Variants in HNRNPC observed in about 807,000 individuals in gnomAD.
HNRNPC encodes the protein heterogeneous nuclear ribonucleoproteins C1/C2.
Under a neutral mutation model 33.2 loss-of-function variants are expected in HNRNPC, and 3 were observed. The observed-to-expected ratio is 0.09, with a 90% CI of 0.04 to 0.23. HNRNPC has a LOEUF of 0.23. HNRNPC is among the 10% of genes least tolerant of loss of function. The probability of loss-of-function intolerance (pLI) is 1.00; values close to 1 mark genes in which losing one functional copy is unlikely to be tolerated. For missense variants in HNRNPC, 143 were observed against 366.7 expected, an observed-to-expected ratio of 0.39 and a Z score of 4.98; for synonymous variants, 121 against 126.7, an observed-to-expected ratio of 0.96 and a Z score of 0.30.
intron 2 of HNRNPC, among the ~76,000 whole-genome samples, chr14:21,251,607 G>A (rs1350569162): frequency 1.3e-5 from 2 of 152,112 alleles, no homozygotes; most frequent in East Asian, 1.9e-4. Flanking sequence ...GCTTGAACCC[G>A]GGAAGTGGAG....
rs1388288438 is a variant in HNRNPC, at chr14:21,233,936, T to C, written c.241+17A>G. ...ACTCAGGCCTGAATTACATCATCAATGAAAAAATTCACTTACCTAAAACCT... is the reference window on the plus strand; with the variant it reads ...ACTCAGGCCTGAATTACATCATCAACGAAAAAATTCACTTACCTAAAACCT... On this transcript the variant is annotated intron_variant, in intron 3 of 8. Coordinates refer to ENST00000553300, the MANE Select transcript of HNRNPC (RefSeq NM_004500.4). 6.2e-7 allele frequency: 1 copy of C among 1,608,836 alleles called. No homozygotes were observed. The highest frequency in any genetic ancestry group is 1.3e-5 in the African/African-American group (1 of 74,538).
intron 2 of HNRNPC, among the ~76,000 whole-genome samples, chr14:21,246,013 G>C (rs556300429): frequency 1.3e-4 from 20 of 151,804 alleles, no homozygotes; most frequent in Admixed American, 2.6e-4. Context: ...GCCTGACTAC[G>C]GGGTTTGACC....
chr14:21,242,766 A>G (rs1895511642), intron 2 of HNRNPC, among the ~76,000 whole-genome samples: 1 of 152,228 alleles, frequency 6.6e-6, no homozygotes, highest in South Asian at 2.1e-4. Context: ...TTAAACACGC[A>G]TTATCACCTA....
chr14:21,233,389 G>T (rs537697609), intron 3 of HNRNPC, among the ~76,000 whole-genome samples: 1 of 152,036 alleles, frequency 6.6e-6, no homozygotes, highest in African/African-American at 2.4e-5. Flanking sequence ...TAAAAACAAA[G>T]GTATGATAAT....
intron 5 of HNRNPC, among the ~76,000 whole-genome samples, chr14:21,221,857 CA>C (rs1892857116): frequency 6.6e-6 from 1 of 151,862 alleles, no homozygotes; most frequent in African/African-American, 2.4e-5. Flanking sequence ...ACCATCCTGG[CA>C]AACATGGTGA....
chr14:21,214,070 A>G (rs746878417), intron 5 of HNRNPC, among the ~76,000 whole-genome samples: 3 of 152,238 alleles, frequency 2.0e-5, no homozygotes, highest in Non-Finnish European at 4.4e-5. Flanking sequence ...TACATTCCAC[A>G]TTGTCATTTC....
chr14:21,261,360 AAAG>A (rs1418794515), intron 2 of HNRNPC, among the ~76,000 whole-genome samples: 3 of 152,340 alleles, frequency 2.0e-5, no homozygotes, highest in Admixed American at 6.5e-5. Flanking sequence ...TGACAGCAGC[AAAG>A]AAGAAAAAAT....
chr14:21,257,847 T>C (rs1877493858), intron 2 of HNRNPC, among the ~76,000 whole-genome samples: 1 of 152,136 alleles, frequency 6.6e-6, no homozygotes, highest in African/African-American at 2.4e-5. Context: ...AGGCATAAAC[T>C]GCTGCAACTG....
At chr14:21,250,747 C>T (rs905416422) in intron 2 of HNRNPC, among the ~76,000 whole-genome samples, 1 of 152,136 alleles carries the variant, frequency 6.6e-6, no homozygotes, top group African/African-American at 2.4e-5. Context: ...CCACAAACAT[C>T]AAAAACCACT....
At chr14:21,249,593 C>CAAAAAAAAAAAAAAAAAAAAAAAAAA (rs756880620) in intron 2 of HNRNPC, among the ~76,000 whole-genome samples, 1 of 83,446 alleles carries the variant, frequency 1.2e-5, no homozygotes, top group Non-Finnish European at 2.3e-5. Flanking sequence ...GTCTCAAAAA[C>CAAAAAAAAAAAAAAAAAAAAAAAAAA]AAAAAAAAAA....
chr14:21,246,120 G>T (rs185401611), intron 2 of HNRNPC, among the ~76,000 whole-genome samples: 168 of 152,088 alleles, frequency 1.1e-3, no homozygotes, highest in African/African-American at 3.8e-3. Flanking sequence ...CACCACACCT[G>T]GCCTGCTCCA....
intron 5 of HNRNPC, among the ~76,000 whole-genome samples, chr14:21,219,729 AT>A (rs79242792): frequency 0.15 from 23,247 of 152,112 alleles, 2,256 homozygotes; most frequent in South Asian, 0.23. Flanking sequence ...ATCATCCAGT[AT>A]TGCGGTTTTA....
At chr14:21,259,966 G>A (rs867808212) in intron 2 of HNRNPC, among the ~76,000 whole-genome samples, 12 of 150,220 alleles carry the variant, frequency 8.0e-5, no homozygotes, top group East Asian at 1.9e-4. Context: ...TTGGGAGGCC[G>A]AGGCGGGCGG....
At chr14:21,224,949 A>G (rs1893246885) in intron 5 of HNRNPC, among the ~76,000 whole-genome samples, 1 of 152,182 alleles carries the variant, frequency 6.6e-6, no homozygotes, top group Admixed American at 6.5e-5. Flanking sequence ...ATTACTAGTC[A>G]TGCACCACAT....
intron 2 of HNRNPC, among the ~76,000 whole-genome samples, chr14:21,234,487 C>A (rs1416322173): frequency 6.6e-6 from 1 of 152,126 alleles, no homozygotes; most frequent in Non-Finnish European, 1.5e-5. Context: ...AAAAAAAATT[C>A]TCCCTGGCAG....
intron 3 of HNRNPC, chr14:21,231,324 T>A: frequency 1.7e-6 from 1 of 590,330 alleles, no homozygotes; most frequent in Admixed American, 2.1e-5. Context: ...GTTTAGAAAA[T>A]CACACAGACA....
chr14:21,215,436 A>T (rs951760409), intron 5 of HNRNPC, among the ~76,000 whole-genome samples: 3 of 152,224 alleles, frequency 2.0e-5, no homozygotes, highest in Non-Finnish European at 4.4e-5. Flanking sequence ...ATAGCTGATT[A>T]CTTACTGATT....
intron 5 of HNRNPC, among the ~76,000 whole-genome samples, chr14:21,222,646 A>T (rs1892957413): frequency 1.3e-5 from 2 of 151,960 alleles, no homozygotes; most frequent in African/African-American, 4.8e-5. Context: ...TAATCCCAGC[A>T]CTTTGGGAGG....
At chr14:21,219,793 A>G (rs564908871) in intron 5 of HNRNPC, among the ~76,000 whole-genome samples, 6 of 152,178 alleles carry the variant, frequency 3.9e-5, no homozygotes, top group African/African-American at 1.4e-4. Context: ...TGCTTACTTA[A>G]TATCTCTCCA....
Sources: gnomAD v4.1 joint callset for allele counts (sites outside exome capture counted in the v4.1 genomes callset) on GRCh38, gnomAD v4.1.1 for gene constraint, MANE v1.5 for transcripts, NCBI Gene and HGNC (gene_info 2026-07-23, HGNC 2026-07-21) for gene names.